Variants in ANK3 observed in about 807,000 individuals in gnomAD.
ANK3 encodes the protein ankyrin 3.
ANK3 carries 57 observed loss-of-function variants against 370.9 expected under a neutral mutation model. That is an observed-to-expected ratio of 0.15 (90% CI 0.12 to 0.19). ANK3 has a LOEUF of 0.19. Among genes scored for constraint, ANK3 ranks in the 10% least tolerant of loss-of-function variants. The pLI, the probability that ANK3 is intolerant of heterozygous loss-of-function variation, is 1.00. For synonymous variants in ANK3, 1,929 were observed against 1,946.3 expected (o/e 0.99, Z 0.23); for missense variants, 4,439 against 5,302.1 (o/e 0.84, Z 5.06).
At chr10:60,366,055 C>A (rs2059345518) in intron 1 of ANK3, among the ~76,000 whole-genome samples, 1 of 152,116 alleles carries the variant, frequency 6.6e-6, no homozygotes, top group African/African-American at 2.4e-5. Context: ...AAATATTAGG[C>A]CAGGCATGGT....
At chr10:60,314,155 G>T (rs2046946828) in intron 1 of ANK3, among the ~76,000 whole-genome samples, 1 of 152,146 alleles carries the variant, frequency 6.6e-6, no homozygotes, top group African/African-American at 2.4e-5. Context: ...AAGTTAAAAA[G>T]CAAAAATTTT....
At chr10:60,688,665 C>G (rs1259426995) in intron 1 of ANK3, among the ~76,000 whole-genome samples, 1 of 152,138 alleles carries the variant, frequency 6.6e-6, no homozygotes, top group African/African-American at 2.4e-5. Context: ...GATATAAAAT[C>G]AGGCCGGGTG....
intron 8 of ANK3, among the ~76,000 whole-genome samples, chr10:60,234,004 C>T (rs901969002): frequency 6.6e-6 from 1 of 152,144 alleles, no homozygotes; most frequent in African/African-American, 2.4e-5. Context: ...CAGTATTTGT[C>T]CTTTTGTGAC....
chr10:60,300,975 C>A (rs142684203), intron 1 of ANK3, among the ~76,000 whole-genome samples: 24 of 151,648 alleles, frequency 1.6e-4, no homozygotes, highest in Non-Finnish European at 1.8e-4. Context: ...TACTTTACTG[C>A]CGAGGAGAGT....
rs145193287 is a variant in ANK3 at position 60,203,724 on chromosome 10, C to A, written c.1294-624G>T. Among the ~76,000 whole-genome samples, 369 of 152,236 alleles carry A rather than the reference C, an allele frequency of 2.4e-3. 2 individuals carry two copies. Among genetic ancestry groups the A allele is most frequent in the Non-Finnish European group, 4.0e-3 (269 of 68,006 alleles). On this transcript the variant is annotated intron_variant, in intron 11 of 43. Transcript: ENST00000280772. ...AGACTAGACTTGAATTGCTTCAGATCCTATGCACACATACATATACATAAA... is the reference window on the plus strand; with the variant it reads ...AGACTAGACTTGAATTGCTTCAGATACTATGCACACATACATATACATAAA...
intron 25 of ANK3, among the ~76,000 whole-genome samples, chr10:60,119,953 A>T (rs948315296): frequency 5.3e-5 from 8 of 151,698 alleles, no homozygotes; most frequent in African/African-American, 1.9e-4. Context: ...ACAGAAATTT[A>T]AAAAAAAATC....
Position 60,186,707 on chromosome 10 carries a change from T to C in ANK3, c.2085+8A>G, listed in dbSNP as rs933687068. On this transcript the variant is annotated splice_region_variant and intron_variant, in intron 17 of 43. Transcript: ENST00000280772. The stretch of plus-strand genomic sequence containing the variant: ...GCTGCATGCTTTGTCAAGAAAGAAG[T>C]GGGTTACCTTATTGCTCAGGTTCAC... 3 of 1,613,698 alleles carry C rather than the reference T, an allele frequency of 1.9e-6. No homozygotes were observed. The highest frequency in any genetic ancestry group is 2.5e-6 in the Non-Finnish European group (3 of 1,179,748).
Position 60,084,725 on chromosome 10 carries a change from A to G in ANK3, c.3951T>C (p.Phe1317=). The change falls in exon 32 of 44, where the codon TTT becomes TTC. Residue 1317 remains phenylalanine (F), a synonymous_variant. Coordinates refer to ENST00000280772, the MANE Select transcript of ANK3 (RefSeq NM_020987.5). ...CVPYMAKFVV[F]AKMNDPVESS... ...ATTCTACGGGATCATTCATTTTGGC[A>G]AAAACAACAAACTTGGCCATATATG... is the stretch of plus-strand genomic sequence containing the variant. The G allele has an allele frequency of 6.2e-7, 1 of 1,613,502 alleles. No individual in the cohort carries two copies. The highest frequency in any genetic ancestry group is 2.2e-5 in the East Asian group (1 of 44,836).
At chr10:60,502,363 GT>G (rs2075822642) in intron 2 of ANK3, among the ~76,000 whole-genome samples, 2 of 152,320 alleles carry the variant, frequency 1.3e-5, no homozygotes, top group South Asian at 4.1e-4. Flanking sequence ...AAGCTAACAA[GT>G]GGCTCCAGTG....
chr10:60,586,003 G>A (rs964495620), intron 2 of ANK3, among the ~76,000 whole-genome samples: 4 of 151,366 alleles, frequency 2.6e-5, no homozygotes, highest in Admixed American at 2.6e-4. Context: ...CAGCCTGGGC[G>A]ACAAGAGTAA....
At chr10:60,532,787 G>T (rs912541545) in intron 2 of ANK3, among the ~76,000 whole-genome samples, 5 of 152,112 alleles carry the variant, frequency 3.3e-5, no homozygotes, top group African/African-American at 4.8e-5. Flanking sequence ...TATAATAAAT[G>T]TTGCTATAAC....
At chr10:60,511,607 T>G (rs2076082115) in intron 2 of ANK3, among the ~76,000 whole-genome samples, 1 of 152,098 alleles carries the variant, frequency 6.6e-6, no homozygotes, top group African/African-American at 2.4e-5. Flanking sequence ...TCTCAGAATA[T>G]TATTTTCAAA....
intron 1 of ANK3, among the ~76,000 whole-genome samples, chr10:60,622,038 G>C (rs1162237775): frequency 6.6e-6 from 1 of 152,102 alleles, no homozygotes; most frequent in Non-Finnish European, 1.5e-5. Context: ...ATTTATGATG[G>C]AATAATGATT....
chr10:60,491,152 T>A lies in ANK3; in HGVS notation c.96+124034A>T, dbSNP rs77430401. ...AATTGTTGATTAGTATTTCATTCTATGAATATAGCACACTATTCATCTATT... is the reference window on the plus strand; with the variant it reads ...AATTGTTGATTAGTATTTCATTCTAAGAATATAGCACACTATTCATCTATT... On this transcript the variant is annotated intron_variant, in intron 2 of 43. Transcript: ENST00000373827. Among the ~76,000 whole-genome samples the A allele has an allele frequency of 1.7e-3, 255 of 152,278 alleles. 1 individual carries two copies. The highest frequency in any genetic ancestry group is 5.9e-3 in the African/African-American group (245 of 41,530).
rs536058802 is a variant in ANK3, at chr10:60,320,930, G to A, written c.115-41291C>T. ...TAGGGTGACAAAATCCTCCCAGCAA[G>A]CTCTGTCACTAAGTCCCCCAGTCTG... On this transcript the variant is annotated intron_variant, in intron 1 of 43. Coordinates refer to ENST00000280772, the MANE Select transcript of ANK3 (RefSeq NM_020987.5). Among the ~76,000 whole-genome samples, 4 of 152,222 alleles carry A rather than the reference G, an allele frequency of 2.6e-5. No homozygotes were observed. In the South Asian group the frequency reaches 8.3e-4, roughly 32 times the overall value.
chr10:60,497,686 A>G (rs1567093769), intron 2 of ANK3, among the ~76,000 whole-genome samples: 1 of 152,204 alleles, frequency 6.6e-6, no homozygotes. Flanking sequence ...CAGACTAAAA[A>G]TGTTCATTTG....
chr10:60,366,440 G>A (rs1463618092), intron 1 of ANK3, among the ~76,000 whole-genome samples: 2 of 152,132 alleles, frequency 1.3e-5, no homozygotes, highest in South Asian at 2.1e-4. Context: ...AGGAAAGGAG[G>A]CACTTTCAGC....
chr10:60,599,754 TA>T (rs1270446767), intron 2 of ANK3, among the ~76,000 whole-genome samples: 2 of 152,208 alleles, frequency 1.3e-5, no homozygotes, highest in East Asian at 3.8e-4. Context: ...TCACGTTTTT[TA>T]AAACTCATGT....
At chr10:60,384,990 G>A (rs200284306) in intron 1 of ANK3, among the ~76,000 whole-genome samples, 4 of 152,204 alleles carry the variant, frequency 2.6e-5, no homozygotes, top group East Asian at 3.9e-4. Flanking sequence ...CCCCATCAGA[G>A]CTTCCTGACT....
Sources: allele counts gnomAD v4.1 joint callset (sites outside exome capture counted in the v4.1 genomes callset), GRCh38; gene constraint gnomAD v4.1.1; transcripts MANE v1.5; gene names NCBI Gene and HGNC (gene_info 2026-07-23, HGNC 2026-07-21).